Variants in TTC1 observed in about 807,000 individuals in gnomAD.
TTC1 encodes the protein tetratricopeptide repeat domain 1.
TTC1 carries 31 observed loss-of-function variants against 37.6 expected under a neutral mutation model. The observed-to-expected ratio is 0.82, with a 90% confidence interval of 0.62 to 1.11. The LOEUF is 1.11. Among genes scored for constraint, TTC1 ranks in the 50% most tolerant of loss-of-function variants. The pLI is 0.00. For synonymous variants in TTC1, 127 were observed against 122.4 expected (o/e 1.04, Z -0.25); for missense variants, 351 against 339.0 (o/e 1.04, Z -0.28).
intron 2 of TTC1, among the ~76,000 whole-genome samples, chr5:160,020,825 A>G (rs1302471479): frequency 6.6e-6 from 1 of 152,212 alleles, no homozygotes; most frequent in Non-Finnish European, 1.5e-5. Flanking sequence ...GGTGAATTGT[A>G]TAACTATTTG....
intron 7 of TTC1, among the ~76,000 whole-genome samples, chr5:160,051,412 T>C (rs1343032536): frequency 4.6e-5 from 7 of 152,196 alleles, no homozygotes; most frequent in African/African-American, 1.2e-4. Flanking sequence ...TTTTCTTGCC[T>C]GCAAGAATTT....
chr5:160,057,992 C>G lies in TTC1; in HGVS notation c.745+6809C>G, dbSNP rs1300264558. Among the ~76,000 whole-genome samples, 1 of 152,218 alleles carries G rather than the reference C, an allele frequency of 6.6e-6. No individual in the cohort carries two copies. Among genetic ancestry groups the G allele is most frequent in the African/African-American group, 2.4e-5 (1 of 41,454 alleles). ...ATGTTGGCCAGGCTGGTCTCGAACTCCTGAACTCAGGTGATTGGCCTGCCT... is the reference window on the plus strand; with the variant it reads ...ATGTTGGCCAGGCTGGTCTCGAACTGCTGAACTCAGGTGATTGGCCTGCCT... On this transcript the variant is annotated intron_variant, in intron 7 of 7. Coordinates refer to ENST00000231238, the MANE Select transcript of TTC1 (RefSeq NM_003314.3). The surrounding 1 kb of genome is among the most constrained non-coding windows in gnomAD (Gnocchi z 4.4).
chr5:160,045,552 T>TCTCC (rs1757217813), intron 5 of TTC1, among the ~76,000 whole-genome samples: 1 of 87,512 alleles, frequency 1.1e-5, no homozygotes, highest in Non-Finnish European at 2.3e-5. Context: ...TCTCTCTCTC[T>TCTCC]CCCCCTCCCC....
At chr5:160,011,270 C>G (rs1313643240) in intron 2 of TTC1, among the ~76,000 whole-genome samples, 1 of 151,658 alleles carries the variant, frequency 6.6e-6, no homozygotes, top group Non-Finnish European at 1.5e-5. Context: ...TTATGCTAAT[C>G]CCTTGTTAGC....
intron 6 of TTC1, among the ~76,000 whole-genome samples, chr5:160,050,627 C>G (rs997942420): frequency 6.4e-5 from 7 of 109,316 alleles, no homozygotes; most frequent in African/African-American, 2.1e-4. Context: ...CCAAACAAAA[C>G]TTTTTTTTTT....
At position 160,057,103 on chromosome 5, in the gene TTC1, T is replaced by G. The variant is rs1757566223; in HGVS notation, c.745+5920T>G. Among the ~76,000 whole-genome samples the G allele has an allele frequency of 6.6e-6, 1 of 152,250 alleles. No individual in the cohort carries two copies. Among genetic ancestry groups the G allele is most frequent in the Non-Finnish European group, 1.5e-5 (1 of 68,042 alleles). On this transcript the variant is annotated intron_variant, in intron 7 of 7. Transcript: ENST00000231238. This position sits in a 1 kb window ranked among gnomAD's most constrained non-coding sequence, Gnocchi z 4.4. ...AAACCAATTCCTTGTTGTGGTTGGT[T>G]GTTCCCTCAGTAGAGAATATCAGTA... is the stretch of plus-strand genomic sequence containing the variant.
Position 160,056,414 on chromosome 5 carries a change from C to T in TTC1, c.745+5231C>T, listed in dbSNP as rs182725982. Among the ~76,000 whole-genome samples, 271 of 152,314 alleles carry T rather than the reference C, an allele frequency of 1.8e-3. 1 individual carries two copies. The highest frequency in any genetic ancestry group is 5.4e-3 in the African/African-American group (224 of 41,572). Reference sequence around the variant, plus strand: ...CACATTGTGAGCTGAATTAAGAATACCATCTGGAGCTTGGCATGGTGGTCA... The same window carrying T: ...CACATTGTGAGCTGAATTAAGAATATCATCTGGAGCTTGGCATGGTGGTCA... On this transcript the variant is annotated intron_variant, in intron 7 of 7. Transcript: ENST00000231238.
chr5:160,056,073 A>G (rs1162177784), intron 7 of TTC1, among the ~76,000 whole-genome samples: 1 of 152,190 alleles, frequency 6.6e-6, no homozygotes, highest in East Asian at 1.9e-4. Flanking sequence ...TGACCATTCC[A>G]TGCTCTTCCT....
intron 5 of TTC1, among the ~76,000 whole-genome samples, chr5:160,045,515 TA>T (rs1561634912): frequency 0.082 from 3,095 of 37,530 alleles, 313 homozygotes; most frequent in Admixed American, 0.2. Context: ...CACACACACA[TA>T]CACACTCTCT....
chr5:160,011,855 T>C (rs1005754471), intron 2 of TTC1, among the ~76,000 whole-genome samples: 3 of 152,142 alleles, frequency 2.0e-5, no homozygotes, highest in Admixed American at 1.3e-4. Context: ...TTGTGATACA[T>C]TGGTATTGAG....
intron 4 of TTC1, among the ~76,000 whole-genome samples, chr5:160,040,737 C>T (rs1347644824): frequency 6.6e-6 from 1 of 151,766 alleles, no homozygotes; most frequent in East Asian, 1.9e-4. Flanking sequence ...CAGACCTGCA[C>T]TACCACTCCC....
In TTC1 at chr5:160,057,173, C is replaced by G. The variant is rs2113410728; in HGVS notation, c.745+5990C>G. ...TTGTCTTCATTTCCTAATTGCTATC[C>G]TGAGGCTTCTCTTAGGAGAATAGTT... On this transcript the variant is annotated intron_variant, in intron 7 of 7. Coordinates refer to ENST00000231238, the MANE Select transcript of TTC1 (RefSeq NM_003314.3). This position sits in a 1 kb window ranked among gnomAD's most constrained non-coding sequence, Gnocchi z 4.4. Among the ~76,000 whole-genome samples the G allele has an allele frequency of 6.6e-6, 1 of 152,300 alleles. No homozygotes were observed. The highest frequency in any genetic ancestry group is 2.4e-5 in the African/African-American group (1 of 41,562).
intron 2 of TTC1, chr5:160,023,959 CAG>C: frequency 1.3e-6 from 2 of 1,564,832 alleles, no homozygotes; most frequent in South Asian, 1.1e-5. Context: ...CATCAGGTAT[CAG>C]AGAGTATTTG....
intron 2 of TTC1, among the ~76,000 whole-genome samples, chr5:160,023,343 G>C (rs920939688): frequency 6.7e-6 from 1 of 150,098 alleles, no homozygotes; most frequent in African/African-American, 2.5e-5. Flanking sequence ...CCAGGCTGGA[G>C]TGCAGTGACG....
At chr5:160,019,681 G>A (rs897499236) in intron 2 of TTC1, among the ~76,000 whole-genome samples, 8 of 143,092 alleles carry the variant, frequency 5.6e-5, no homozygotes, top group Non-Finnish European at 1.2e-4. Flanking sequence ...TCCGCCTCCC[G>A]GATTCAAGCG....
chr5:160,055,985 T>C (rs903856919), intron 7 of TTC1, among the ~76,000 whole-genome samples: 9 of 152,210 alleles, frequency 5.9e-5, no homozygotes, highest in Non-Finnish European at 1.2e-4. Flanking sequence ...TTACTGGGTG[T>C]GCAGGGGATA....
At chr5:160,035,619 CTCTTTCTT>C (rs998428644) in intron 3 of TTC1, among the ~76,000 whole-genome samples, 1 of 152,174 alleles carries the variant, frequency 6.6e-6, no homozygotes, top group East Asian at 1.9e-4. Flanking sequence ...CCTTTGGTTG[CTCTTTCTT>C]TCTTTCTTTC....
intron 2 of TTC1, among the ~76,000 whole-genome samples, chr5:160,013,415 C>T (rs1286005232): frequency 6.6e-6 from 1 of 150,968 alleles, no homozygotes; most frequent in Non-Finnish European, 1.5e-5. Context: ...AAAAAATGGC[C>T]AAAAAATGTG....
intron 7 of TTC1, among the ~76,000 whole-genome samples, chr5:160,052,130 C>A (rs1264150956): frequency 6.6e-6 from 1 of 152,176 alleles, no homozygotes. Flanking sequence ...ACGGCTGCTT[C>A]CGATTCAGGA....
Sources: allele counts gnomAD v4.1 joint callset (sites outside exome capture counted in the v4.1 genomes callset), GRCh38; gene constraint gnomAD v4.1.1; non-coding constraint Gnocchi (gnomAD v3.1); transcripts MANE v1.5; gene names NCBI Gene and HGNC (gene_info 2026-07-23, HGNC 2026-07-21).